TRAPPC12: variants seen among roughly 807,000 people sequenced by gnomAD.
TRAPPC12 encodes the protein TPR repeat protein 15.
In TRAPPC12, 61 loss-of-function variants were observed where a neutral mutation model predicts 69.2. The ratio of observed to expected loss-of-function variants is 0.88; its 90% CI spans 0.72 to 1.09. TRAPPC12 has a LOEUF of 1.09. TRAPPC12 is among the 50% of genes least tolerant of loss of function. The pLI, the probability that TRAPPC12 is intolerant of heterozygous loss-of-function variation, is 0.00. For missense variants in TRAPPC12, 1,101 were observed against 1,016.4 expected, an observed-to-expected ratio of 1.08 and a Z score of -1.13; for synonymous variants, 469 against 438.9, an observed-to-expected ratio of 1.07 and a Z score of -0.86.
chr2:3,404,116 T>C (rs1661598488), intron 3 of TRAPPC12, among the ~76,000 whole-genome samples: 1 of 152,166 alleles, frequency 6.6e-6, no homozygotes, highest in South Asian at 2.1e-4. Flanking sequence ...CTGGAACCCC[T>C]TTGCCTGGGG....
rs769792458 is a variant in TRAPPC12 at position 3,479,334 on chromosome 2, T to C, written c.2081T>C (p.Leu694Pro). The C allele has an allele frequency of 3.1e-6, 5 of 1,614,158 alleles. No homozygotes were observed. In the Admixed American group the frequency reaches 8.3e-5, roughly 27 times the overall value. ...DPRHYLHESV[L>P]FNLTTMYELE... Reference sequence around the variant, plus strand: ...AGGCACTACCTGCACGAGAGCGTGCTCTTCAACCTGACCACCATGTACGAG... The same window carrying C: ...AGGCACTACCTGCACGAGAGCGTGCCCTTCAACCTGACCACCATGTACGAG... Residue 694 changes from leucine to proline, a missense_variant, in exon 12 of 12, where the codon CTC (leucine) becomes CCC (proline). Physicochemically the swap from Leu to Pro is moderately conservative, Grantham distance 98. Transcript: ENST00000324266.
chr2:3,391,486 C>T (rs1015293464), intron 2 of TRAPPC12, among the ~76,000 whole-genome samples: 5 of 152,148 alleles, frequency 3.3e-5, no homozygotes, highest in Admixed American at 6.5e-5. Context: ...AAGTGTAAGC[C>T]TATAGACATC....
At chr2:3,467,102 A>G (rs914916605) in intron 9 of TRAPPC12, among the ~76,000 whole-genome samples, 3 of 152,302 alleles carry the variant, frequency 2.0e-5, no homozygotes, top group African/African-American at 4.8e-5. Flanking sequence ...GGCTCTGGCA[A>G]TGAGGCTGGA....
intron 4 of TRAPPC12, among the ~76,000 whole-genome samples, chr2:3,424,130 C>T (rs1270450403): frequency 6.6e-6 from 1 of 152,254 alleles, no homozygotes; most frequent in Non-Finnish European, 1.5e-5. Flanking sequence ...ACACCTAGCA[C>T]AGTGCTTTGC....
intron 8 of TRAPPC12, among the ~76,000 whole-genome samples, chr2:3,464,173 C>T (rs955852881): frequency 3.3e-5 from 5 of 151,518 alleles, no homozygotes; most frequent in Admixed American, 6.5e-5. Context: ...CGCTCACACT[C>T]ATACACAATG....
chr2:3,401,295 A>G (rs1661430140), intron 2 of TRAPPC12, among the ~76,000 whole-genome samples: 1 of 152,174 alleles, frequency 6.6e-6, no homozygotes, highest in Non-Finnish European at 1.5e-5. Flanking sequence ...CCAGGCAAGC[A>G]TGGAGGCATT....
In TRAPPC12 at chr2:3,388,494, G is replaced by C; in HGVS notation, c.871G>C (p.Asp291His). Residue 291 changes from aspartate (D) to histidine (H), a missense_variant, in exon 2 of 12, where the codon GAC becomes CAC. By Grantham distance (81) the Asp-to-His change is moderately conservative. Coordinates refer to ENST00000324266, the MANE Select transcript of TRAPPC12 (RefSeq NM_016030.6). ...CATCCAGGCAGTGTTTGCAGGGAGT[G>C]ACGACCCCTTTGCCACCGCCCTGAG... ...AHIQAVFAGS[D>H]DPFATALSMS... is the part of the protein sequence containing the mutation. 1 of 1,612,808 alleles carries C rather than the reference G, an allele frequency of 6.2e-7. No individual in the cohort carries two copies. Among genetic ancestry groups the C allele is most frequent in the South Asian group, 1.1e-5 (1 of 91,044 alleles).
At chr2:3,436,694 A>G (rs1392436245) in intron 5 of TRAPPC12, among the ~76,000 whole-genome samples, 1 of 151,858 alleles carries the variant, frequency 6.6e-6, no homozygotes, top group African/African-American at 2.4e-5. Context: ...CATGCCGAAT[A>G]GTTTCACTGC....
At chr2:3,407,270 A>G (rs143188111) in intron 3 of TRAPPC12, among the ~76,000 whole-genome samples, 5 of 152,178 alleles carry the variant, frequency 3.3e-5, no homozygotes, top group East Asian at 3.9e-4. Flanking sequence ...TTATTAGACT[A>G]TTTTTCTCAT....
intron 9 of TRAPPC12, among the ~76,000 whole-genome samples, chr2:3,475,825 T>C (rs1417043705): frequency 6.6e-6 from 1 of 152,206 alleles, no homozygotes; most frequent in African/African-American, 2.4e-5. Flanking sequence ...AAAGCGAAGC[T>C]AGCGACAGCA....
chr2:3,464,185 T>C (rs1558404312), intron 8 of TRAPPC12, among the ~76,000 whole-genome samples: 1 of 151,794 alleles, frequency 6.6e-6, no homozygotes, highest in Admixed American at 6.6e-5. Flanking sequence ...TACACAATGC[T>C]CACACACGCT....
intron 3 of TRAPPC12, among the ~76,000 whole-genome samples, chr2:3,418,883 C>T (rs1237339975): frequency 2.0e-5 from 3 of 152,162 alleles, no homozygotes; most frequent in Non-Finnish European, 1.5e-5. Context: ...GCCAGCACAC[C>T]CGACCCTCCT....
intron 9 of TRAPPC12, among the ~76,000 whole-genome samples, chr2:3,468,728 G>T (rs1665933649): frequency 6.6e-6 from 1 of 152,198 alleles, no homozygotes; most frequent in Non-Finnish European, 1.5e-5. Flanking sequence ...TGGGCACGAG[G>T]CCCTCCAGGA....
chr2:3,387,772 C>G lies in TRAPPC12; in HGVS notation c.149C>G (p.Thr50Ser). ...GAGTTTGGATCCGAAGAGAACGAGA[C>G]CGCATCGGAAGGCTCGAGTCCTCTC... ...GDEFGSEENE[T>S]ASEGSSPLAD... is the part of the protein sequence containing the mutation. Residue 50 changes from threonine (T) to serine (S), a missense_variant, in exon 2 of 12, where the codon ACC (threonine) becomes AGC (serine). By Grantham distance (58) the Thr-to-Ser change is moderately conservative. Coordinates refer to ENST00000324266, the MANE Select transcript of TRAPPC12 (RefSeq NM_016030.6). The G allele has an allele frequency of 6.2e-7, 1 of 1,613,054 alleles. No homozygotes were observed.
chr2:3,447,596 G>C (rs1236414704), intron 6 of TRAPPC12, among the ~76,000 whole-genome samples: 1 of 151,890 alleles, frequency 6.6e-6, no homozygotes, highest in Non-Finnish European at 1.5e-5. Context: ...CCACCCCCAG[G>C]ACACAAACAC....
intron 9 of TRAPPC12, among the ~76,000 whole-genome samples, chr2:3,474,033 CTT>C (rs1219361126): frequency 6.6e-6 from 1 of 152,216 alleles, no homozygotes; most frequent in African/African-American, 2.4e-5. Context: ...CTTGAGAACA[CTT>C]TAAAATGGCC....
chr2:3,397,127 A>G (rs902951986), intron 2 of TRAPPC12, among the ~76,000 whole-genome samples: 3 of 152,224 alleles, frequency 2.0e-5, no homozygotes. Context: ...TTTTTATTAG[A>G]AGGTGGACAT....
intron 1 of TRAPPC12, among the ~76,000 whole-genome samples, chr2:3,382,602 A>T (rs1352941320): frequency 6.6e-6 from 1 of 152,078 alleles, no homozygotes; most frequent in African/African-American, 2.4e-5. Context: ...CTCAACCAAG[A>T]CTCCTTTAAG....
At chr2:3,466,617 C>T (rs935007925) in intron 9 of TRAPPC12, among the ~76,000 whole-genome samples, 1 of 152,242 alleles carries the variant, frequency 6.6e-6, no homozygotes, top group Non-Finnish European at 1.5e-5. Context: ...CATGCACTGA[C>T]ACACGTAGGC....
Sources: allele counts gnomAD v4.1 joint callset (sites outside exome capture counted in the v4.1 genomes callset), GRCh38; gene constraint gnomAD v4.1.1; transcripts MANE v1.5; gene names NCBI Gene and HGNC (gene_info 2026-07-23, HGNC 2026-07-21).